The following MDGA2 variants were observed in gnomAD, a reference collection of about 807,000 sequenced individuals.
MDGA2 encodes the protein MAM domain-containing glycosylphosphatidylinositol anchor protein 2.
MDGA2 carries 40 observed loss-of-function variants against 117.8 expected under a neutral mutation model. The observed-to-expected ratio is 0.34, with a 90% CI of 0.26 to 0.44. MDGA2 has a LOEUF of 0.44. Among genes scored for constraint, MDGA2 ranks in the 20% least tolerant of loss-of-function variants. MDGA2 has a pLI of 1.00. For synonymous variants in MDGA2, 452 were observed against 439.0 expected, an observed-to-expected ratio of 1.03 and a Z score of -0.37; for missense variants, 1,123 against 1,250.6, an observed-to-expected ratio of 0.90 and a Z score of 1.54.
At chr14:47,170,500 C>A (rs1042234085) in intron 3 of MDGA2, among the ~76,000 whole-genome samples, 36 of 152,096 alleles carry the variant, frequency 2.4e-4, no homozygotes, top group African/African-American at 8.2e-4. Context: ...TACTCACCTG[C>A]TAGTTTCTCA....
chr14:47,565,726 A>T (rs574827303), intron 1 of MDGA2, among the ~76,000 whole-genome samples: 126 of 152,188 alleles, frequency 8.3e-4, no homozygotes, highest in African/African-American at 2.8e-3. Context: ...CAGTGGTGGC[A>T]TAGGCAGCCC....
intron 15 of MDGA2, among the ~76,000 whole-genome samples, chr14:46,849,930 A>G (rs1880994780): frequency 6.6e-6 from 1 of 151,866 alleles, no homozygotes; most frequent in Non-Finnish European, 1.5e-5. Flanking sequence ...ACCCATGGAG[A>G]AAATGTGAAA....
chr14:47,141,035 T>C (rs1882695115), intron 4 of MDGA2, among the ~76,000 whole-genome samples: 1 of 152,080 alleles, frequency 6.6e-6, no homozygotes, highest in South Asian at 2.1e-4. Context: ...CCAACAGTTA[T>C]GTGAAAAAAT....
chr14:47,163,478 G>A (rs934448959), intron 3 of MDGA2, among the ~76,000 whole-genome samples: 2 of 151,936 alleles, frequency 1.3e-5, no homozygotes, highest in South Asian at 4.2e-4. Flanking sequence ...GTGAGATCCG[G>A]TGGTTTTAAA....
At chr14:47,219,566 T>C (rs1193651246) in intron 2 of MDGA2, among the ~76,000 whole-genome samples, 1 of 152,008 alleles carries the variant, frequency 6.6e-6, no homozygotes, top group Admixed American at 6.5e-5. Context: ...ACTAACACTT[T>C]CACTTAGCAA....
intron 8 of MDGA2, among the ~76,000 whole-genome samples, chr14:47,028,164 TA>T (rs909270586): frequency 6.6e-6 from 1 of 152,094 alleles, no homozygotes; most frequent in African/African-American, 2.4e-5. Context: ...TCATTATCCT[TA>T]TAGTGGCAAT....
In MDGA2 at chr14:47,184,142, CATTT is replaced by C. The variant is rs1884820667; in HGVS notation, c.595+33875_595+33878del. 2.0e-5 allele frequency among the ~76,000 whole-genome samples: 3 copies of C among 151,944 alleles called. No homozygotes were observed. In the South Asian group the frequency reaches 6.2e-4, roughly 32 times the overall value. On this transcript the variant is annotated intron_variant, in intron 3 of 16. Transcript: ENST00000399232. ...TGTATGTATGAATGTGGAACAAAAA[CATTT>C]ATTTTCTTAAGTTTTATAATTGTTT...
chr14:47,647,181 C>CT (rs1484140406), intron 1 of MDGA2, among the ~76,000 whole-genome samples: 2 of 152,074 alleles, frequency 1.3e-5, no homozygotes. Flanking sequence ...TAAAAATACT[C>CT]TAAGATTTTA....
intron 3 of MDGA2, among the ~76,000 whole-genome samples, chr14:47,173,308 G>A (rs1192273039): frequency 6.6e-6 from 1 of 152,072 alleles, no homozygotes; most frequent in Non-Finnish European, 1.5e-5. Context: ...ACGCCACAAA[G>A]ATACTCCTCA....
Position 47,174,599 on chromosome 14 carries a change from A to G in MDGA2, c.596-30325T>C, listed in dbSNP as rs545492588. Reference sequence around the variant, plus strand: ...GAAATAAAGATGTTCTTTGAAACAAATAAGAACAAAGACACAACATACCAG... The same window carrying G: ...GAAATAAAGATGTTCTTTGAAACAAGTAAGAACAAAGACACAACATACCAG... On this transcript the variant is annotated intron_variant, in intron 3 of 16. Coordinates refer to ENST00000399232, the MANE Select transcript of MDGA2 (RefSeq NM_001113498.3). Among the ~76,000 whole-genome samples, 23 of 152,350 alleles carry G rather than the reference A, an allele frequency of 1.5e-4. No homozygotes were observed. In the South Asian group the frequency reaches 2.7e-3, roughly 18 times the overall value.
intron 2 of MDGA2, among the ~76,000 whole-genome samples, chr14:47,242,689 G>T (rs1484279606): frequency 3.3e-5 from 5 of 151,828 alleles, no homozygotes; most frequent in Non-Finnish European, 7.4e-5. Context: ...GCAGGGCAGT[G>T]CTCGGGACCT....
chr14:47,624,278 T>A (rs1056015707), intron 1 of MDGA2, among the ~76,000 whole-genome samples: 2 of 152,052 alleles, frequency 1.3e-5, no homozygotes, highest in Non-Finnish European at 2.9e-5. Context: ...GCCAACACAG[T>A]GAAATCCCGT....
chr14:46,980,975 T>G (rs1170048058), intron 8 of MDGA2, among the ~76,000 whole-genome samples: 1 of 152,206 alleles, frequency 6.6e-6, no homozygotes, highest in East Asian at 1.9e-4. Context: ...CTTTGAGGAA[T>G]ACCTGTGTTT....
chr14:47,013,772 G>GTGTATATATA (rs1555343310), intron 8 of MDGA2, among the ~76,000 whole-genome samples: 23 of 93,684 alleles, frequency 2.5e-4, no homozygotes, highest in Admixed American at 8.0e-4. Flanking sequence ...TAATTTCCTT[G>GTGTATATATA]TATATATATA....
chr14:47,201,237 C>T lies in MDGA2; in HGVS notation c.595+16784G>A. The stretch of plus-strand genomic sequence containing the variant: ...CCTCTCTCTTACATGATTCCTGCTA[C>T]CAAATGCTGTGATTTCAATATCCGC... On this transcript the variant is annotated intron_variant, in intron 3 of 16. Transcript: ENST00000399232. 3 of 495,514 alleles carry T rather than the reference C, an allele frequency of 6.1e-6. No homozygotes were observed. The East Asian group carries it at 1.2e-4, about 20-fold the overall frequency. The allele number at this position is 495,514 out of a possible 1,614,324, so 30.7% of individuals were successfully genotyped here.
intron 9 of MDGA2, among the ~76,000 whole-genome samples, chr14:46,937,204 C>CT (rs1245821664): frequency 6.6e-6 from 1 of 151,050 alleles, no homozygotes; most frequent in Non-Finnish European, 1.5e-5. Flanking sequence ...AGGCACACCG[C>CT]TCCCCCGACA....
At chr14:47,561,158 G>GTTTTTTTTTTTTTTTTTTTTTTT (rs200625450) in intron 1 of MDGA2, among the ~76,000 whole-genome samples, 7 of 55,056 alleles carry the variant, frequency 1.3e-4, no homozygotes, top group Non-Finnish European at 1.7e-4. Context: ...TTTTTGTTTT[G>GTTTTTTTTTTTTTTTTTTTTTTT]TTTTGTTTTT....
At chr14:47,614,690 T>C (rs919685156) in intron 1 of MDGA2, among the ~76,000 whole-genome samples, 3 of 152,210 alleles carry the variant, frequency 2.0e-5, no homozygotes, top group Admixed American at 6.5e-5. Context: ...TCTGATCAGA[T>C]AAAACCTCTA....
intron 1 of MDGA2, among the ~76,000 whole-genome samples, chr14:47,464,893 C>CA (rs1246580410): frequency 2.0e-5 from 3 of 151,612 alleles, no homozygotes; most frequent in Non-Finnish European, 2.9e-5. Flanking sequence ...ACAAAACAAA[C>CA]AAAAAAATAA....
Sources: allele counts gnomAD v4.1 joint callset (sites outside exome capture counted in the v4.1 genomes callset), GRCh38; gene constraint gnomAD v4.1.1; transcripts MANE v1.5; gene names NCBI Gene and HGNC (gene_info 2026-07-23, HGNC 2026-07-21).